Variants in TRRAP observed in about 807,000 individuals in gnomAD.
TRRAP encodes the protein transformation/transcription domain associated protein.
TRRAP carries 41 observed loss-of-function variants against 438.8 expected under a neutral mutation model. The ratio of observed to expected loss-of-function variants is 0.09; its 90% CI spans 0.07 to 0.12. TRRAP has a LOEUF of 0.12. Ranked by LOEUF, TRRAP falls within the 10% of genes least tolerant of loss-of-function variation. The pLI is 1.00. For synonymous variants in TRRAP, 1,994 were observed against 1,962.9 expected (o/e 1.02, Z -0.42); for missense variants, 3,122 against 5,055.1 (o/e 0.62, Z 11.60).
intron 67 of TRRAP, among the ~76,000 whole-genome samples, chr7:98,995,867 G>T (rs538855562): frequency 7.5e-6 from 1 of 132,592 alleles, no homozygotes; most frequent in Non-Finnish European, 1.5e-5. Context: ...ATTTACACAC[G>T]CATGTCCCAT....
At chr7:99,001,284 G>A (rs563106800) in intron 67 of TRRAP, among the ~76,000 whole-genome samples, 1 of 152,204 alleles carries the variant, frequency 6.6e-6, no homozygotes, top group Non-Finnish European at 1.5e-5. Flanking sequence ...TTTGAAAAGT[G>A]AAGGGCAAGC....
rs201053093 is a variant in TRRAP, at chr7:98,880,262, G to GTTTTTTTTTT, written c.-61-820_-61-811dup. The stretch of plus-strand genomic sequence containing the variant: ...CTGCCTGCGTTTTGTTGTTGTTGTT[G>GTTTTTTTTTT]TTTTTTTTTTTTTTTTTCCGAGACT... On this transcript the variant is annotated intron_variant, in intron 1 of 72. Coordinates refer to ENST00000456197, the MANE Select transcript of TRRAP (RefSeq NM_001375524.1). 2.3e-5 allele frequency among the ~76,000 whole-genome samples: 3 copies of GTTTTTTTTTT among 132,106 alleles called. 1 individual carries two copies. Among genetic ancestry groups the GTTTTTTTTTT allele is most frequent in the Non-Finnish European group, 4.7e-5 (3 of 63,824 alleles). 86.7% of individuals were successfully genotyped at this position (132,106 alleles called of 152,430 possible).
chr7:98,912,852 A>G (rs1554408983), intron 18 of TRRAP, among the ~76,000 whole-genome samples: 10 of 152,124 alleles, frequency 6.6e-5, no homozygotes, highest in Non-Finnish European at 1.5e-4. Flanking sequence ...AAACATCTTT[A>G]TTGCAAGGTT....
chr7:98,939,826 T>C (rs1790712648), intron 30 of TRRAP, among the ~76,000 whole-genome samples: 1 of 152,264 alleles, frequency 6.6e-6, no homozygotes, highest in South Asian at 2.1e-4. Flanking sequence ...AAAAGTCGTC[T>C]GTCATTTTTT....
rs1448948055 is a variant in TRRAP at position 98,970,236 on chromosome 7, T to C, written c.7637T>C (p.Val2546Ala). ...CACGACCGTGCCGCCTTCGCCATGG[T>C]CACACATGTCAAGCAGGAGCCCCGG... The part of the protein sequence containing the change: ...DSHDRAAFAM[V>A]THVKQEPRER... The change falls in exon 52 of 73, where the codon GTC becomes GCC. Residue 2546 changes from valine to alanine, a missense_variant. Transcript: ENST00000456197. 1 of 1,613,540 alleles carries C rather than the reference T, an allele frequency of 6.2e-7. No individual in the cohort carries two copies. Among genetic ancestry groups the C allele is most frequent in the East Asian group, 2.2e-5 (1 of 44,844 alleles).
intron 4 of TRRAP, 140 bp from the exon 5 acceptor site, chr7:98,892,284 C>G (rs2018675796): frequency 2.9e-6 from 2 of 690,126 alleles, no homozygotes; most frequent in African/African-American, 3.6e-5. Context: ...GCTTGAAAAA[C>G]TGGGTCCATT....
intron 67 of TRRAP, chr7:98,999,360 A>G: frequency 7.1e-7 from 1 of 1,403,690 alleles, no homozygotes; most frequent in Admixed American, 1.7e-5. Flanking sequence ...CAGTGATTCC[A>G]CATCCTGCAC....
intron 9 of TRRAP, 69 bp from the exon 10 acceptor site, chr7:98,899,610 T>C (rs1554406315): frequency 6.2e-7 from 1 of 1,606,320 alleles, no homozygotes. Context: ...GTGATGATTC[T>C]TCGGTATGCC....
Position 99,004,410 on chromosome 7 carries a change from T to C in TRRAP, c.10530T>C (p.Ile3510=). 1 of 1,612,332 alleles carries C rather than the reference T, an allele frequency of 6.2e-7. No homozygotes were observed. Residue 3510 remains isoleucine, a synonymous_variant, in exon 68 of 73, where the codon ATT becomes ATC. Transcript: ENST00000456197. ...AGCCAACGCATTATTACATCAAGAT[T>C]GCACGGTGAGTGGGCCAGCCTGGCA... ...MPKPTHYYIK[I]ARFMPRVEIV... is the part of the protein sequence containing the mutation.
chr7:98,949,307 G>GAGATTTAGAAAGATTTTTAAA (rs1174499284), intron 35 of TRRAP, 110 bp from the exon 36 acceptor site: 214 of 1,267,962 alleles, frequency 1.7e-4, no homozygotes, highest in Middle Eastern at 6.7e-4. Context: ...CCTTCTTTGA[G>GAGATTTAGAAAGATTTTTAAA]AGATTTAGAA....
At chr7:98,999,579 G>T (rs1793825281) in intron 67 of TRRAP, 2 of 749,940 alleles carry the variant, frequency 2.7e-6, no homozygotes, top group Non-Finnish European at 4.8e-6. Flanking sequence ...CACTGCCACT[G>T]TGTTCTTCCC....
intron 11 of TRRAP, among the ~76,000 whole-genome samples, chr7:98,901,117 C>T (rs1796447810): frequency 6.6e-6 from 1 of 152,178 alleles, no homozygotes; most frequent in Admixed American, 6.5e-5. Context: ...GCAGCCTTAA[C>T]AAAAAATCCC....
intron 59 of TRRAP, 145 bp downstream of exon 59, chr7:98,982,105 C>A: frequency 1.3e-6 from 1 of 790,022 alleles, no homozygotes; most frequent in Non-Finnish European, 1.8e-6. Flanking sequence ...TATACGCGTC[C>A]TCAGGAAAGG....
chr7:98,925,291 T>A, intron 22 of TRRAP, 28 bp downstream of exon 22: 1 of 1,609,192 alleles, frequency 6.2e-7, no homozygotes, highest in South Asian at 1.1e-5. Context: ...TTCTGTGTGG[T>A]TGGGTGGATC....
intron 8 of TRRAP, 56 bp from the exon 9 acceptor site, chr7:98,899,366 G>C: frequency 6.8e-7 from 1 of 1,476,052 alleles, no homozygotes; most frequent in East Asian, 2.3e-5. Context: ...GCACTGGTGG[G>C]GGCTATTTTA....
At chr7:98,972,394 C>G (rs1377039024) in intron 53 of TRRAP, among the ~76,000 whole-genome samples, 1 of 152,196 alleles carries the variant, frequency 6.6e-6, no homozygotes, top group Non-Finnish European at 1.5e-5. Flanking sequence ...TCTCCACCAC[C>G]ATCTCTTGAA....
chr7:98,939,742 C>T (rs1790707887), intron 30 of TRRAP, among the ~76,000 whole-genome samples: 1 of 152,248 alleles, frequency 6.6e-6, no homozygotes, highest in Non-Finnish European at 1.5e-5. Flanking sequence ...GGCTGAGGTG[C>T]TTTCACACAT....
chr7:98,891,481 G>A (rs1464872964), intron 4 of TRRAP, among the ~76,000 whole-genome samples: 2 of 150,922 alleles, frequency 1.3e-5, no homozygotes, highest in Admixed American at 6.6e-5. Flanking sequence ...GACTACAGGC[G>A]TGAGCCACTG....
chr7:98,949,165 G>C (rs1554417552), intron 35 of TRRAP, among the ~76,000 whole-genome samples: 1 of 151,984 alleles, frequency 6.6e-6, no homozygotes, highest in Admixed American at 6.6e-5. Flanking sequence ...TTCGGAGTTG[G>C]AGGCTGCAGT....
Sources: allele counts gnomAD v4.1 joint callset (sites outside exome capture counted in the v4.1 genomes callset), GRCh38; gene constraint gnomAD v4.1.1; transcripts MANE v1.5; gene names NCBI Gene and HGNC (gene_info 2026-07-23, HGNC 2026-07-21).